DGKG: variants seen among roughly 807,000 people sequenced by gnomAD.
DGKG encodes the protein DAG kinase gamma.
Under a neutral mutation model 105.3 loss-of-function variants are expected in DGKG, and 78 were observed. The ratio of observed to expected loss-of-function variants is 0.74; its 90% CI spans 0.62 to 0.89. DGKG has a LOEUF of 0.89. Among genes scored for constraint, DGKG ranks in the 40% least tolerant of loss-of-function variants. The probability of loss-of-function intolerance (pLI) is 0.00; values close to 1 mark genes in which losing one functional copy is unlikely to be tolerated. For synonymous variants in DGKG, 346 were observed against 367.1 expected, an observed-to-expected ratio of 0.94 and a Z score of 0.66; for missense variants, 958 against 1,020.1, an observed-to-expected ratio of 0.94 and a Z score of 0.83.
At chr3:186,278,751 T>C (rs1722699544) in intron 9 of DGKG, among the ~76,000 whole-genome samples, 1 of 152,204 alleles carries the variant, frequency 6.6e-6, no homozygotes, top group South Asian at 2.1e-4. Context: ...GAAGATATTA[T>C]AGGCAACTTG....
intron 22 of DGKG, among the ~76,000 whole-genome samples, chr3:186,181,345 C>G (rs1377264700): frequency 2.0e-5 from 3 of 152,152 alleles, no homozygotes; most frequent in Non-Finnish European, 1.5e-5. Flanking sequence ...GTGAACACTA[C>G]CGAGGGTATC....
At chr3:186,337,276 G>T (rs1385362185) in intron 1 of DGKG, among the ~76,000 whole-genome samples, 1 of 152,064 alleles carries the variant, frequency 6.6e-6, no homozygotes, top group Admixed American at 6.6e-5. Context: ...GTTTATTTCA[G>T]TAAGGCAAGA....
chr3:186,313,928 T>C (rs1724680875), intron 2 of DGKG, among the ~76,000 whole-genome samples: 1 of 152,116 alleles, frequency 6.6e-6, no homozygotes, highest in East Asian at 1.9e-4. Context: ...CTGGCCAGCA[T>C]AAATAGCAAG....
chr3:186,234,596 T>C (rs934808255), intron 20 of DGKG, among the ~76,000 whole-genome samples: 3 of 152,216 alleles, frequency 2.0e-5, no homozygotes, highest in Non-Finnish European at 4.4e-5. Flanking sequence ...TTCTACTCTT[T>C]GTTGACATGA....
At chr3:186,238,511 T>C (rs1720526107) in intron 20 of DGKG, among the ~76,000 whole-genome samples, 1 of 152,168 alleles carries the variant, frequency 6.6e-6, no homozygotes, top group East Asian at 1.9e-4. Context: ...TAGACGACGA[T>C]TTCCTTGAAG....
At chr3:186,318,760 G>T (rs369307108) in intron 2 of DGKG, among the ~76,000 whole-genome samples, 1 of 152,184 alleles carries the variant, frequency 6.6e-6, no homozygotes, top group African/African-American at 2.4e-5. Context: ...AGCCAGCGCC[G>T]CTGACTCCTT....
intron 21 of DGKG, among the ~76,000 whole-genome samples, chr3:186,200,561 T>A (rs565838936): frequency 2.1e-4 from 32 of 152,132 alleles, no homozygotes; most frequent in Non-Finnish European, 4.0e-4. Context: ...GAGTGGTAAG[T>A]GGAACTAAAT....
At chr3:186,288,060 C>T (rs575242904) in intron 6 of DGKG, among the ~76,000 whole-genome samples, 2 of 152,284 alleles carry the variant, frequency 1.3e-5, no homozygotes, top group East Asian at 3.9e-4. Context: ...CAGGCTGTTT[C>T]AGCCACTGTG....
intron 8 of DGKG, 59 bp from the exon 9 acceptor site, chr3:186,280,032 T>G (rs1011486958): frequency 6.2e-7 from 1 of 1,600,778 alleles, no homozygotes; most frequent in African/African-American, 1.3e-5. Context: ...CTACCTGCCT[T>G]CTGCCTCTGC....
intron 13 of DGKG, among the ~76,000 whole-genome samples, chr3:186,266,730 T>C (rs1722072616): frequency 6.6e-6 from 1 of 152,156 alleles, no homozygotes; most frequent in Non-Finnish European, 1.5e-5. Context: ...CCCCAGTAGC[T>C]GGGATTACAG....
At chr3:186,246,729 T>C (rs189498575) in intron 19 of DGKG, among the ~76,000 whole-genome samples, 21 of 152,276 alleles carry the variant, frequency 1.4e-4, no homozygotes, top group Admixed American at 2.6e-4. Context: ...AAAAATTATG[T>C]CTTGTTGAGA....
At position 186,211,763 on chromosome 3, in the gene DGKG, C is replaced by T. The variant is rs772054884; in HGVS notation, c.1917+32G>A. On this transcript the variant is annotated intron_variant, in intron 21 of 24. Coordinates refer to ENST00000265022, the MANE Select transcript of DGKG (RefSeq NM_001346.3). Reference sequence around the variant, plus strand: ...GACAGTCCAGGAGCAGAACCAAGATCCAGGAAGCCTTCTCCCCACTTGGGA... The same window carrying T: ...GACAGTCCAGGAGCAGAACCAAGATTCAGGAAGCCTTCTCCCCACTTGGGA... 2.0e-6 allele frequency: 3 copies of T among 1,535,542 alleles called. No homozygotes were observed. The South Asian group carries it at 3.4e-5, about 17-fold the overall frequency.
chr3:186,301,940 C>G (rs1426802521), intron 3 of DGKG, among the ~76,000 whole-genome samples: 1 of 152,206 alleles, frequency 6.6e-6, no homozygotes, highest in African/African-American at 2.4e-5. Flanking sequence ...TGTATGCACT[C>G]TGTCCATGCT....
At position 186,148,490 on chromosome 3, in the gene DGKG, T is replaced by C; in HGVS notation, c.*1600A>G. The C allele has an allele frequency of 1.0e-6, 1 of 985,448 alleles. No individual in the cohort carries two copies. The highest frequency in any genetic ancestry group is 4.7e-5 in the South Asian group (1 of 21,288). 61.0% of individuals were successfully genotyped at this position (985,448 alleles called of 1,614,324 possible). ...CGTTTTCTTGTGTGGGGATATCCCA[T>C]CCACGCATGTGCTGTACGTTTGTTC... On this transcript the variant is annotated 3_prime_UTR_variant, in exon 25 of 25. Coordinates refer to ENST00000265022, the MANE Select transcript of DGKG (RefSeq NM_001346.3).
intron 5 of DGKG, among the ~76,000 whole-genome samples, chr3:186,295,298 C>G (rs1185863741): frequency 6.6e-6 from 1 of 151,940 alleles, no homozygotes; most frequent in South Asian, 2.1e-4. Flanking sequence ...GTCAGGAGAT[C>G]GAGATCATCC....
chr3:186,199,674 G>C (rs888365565), intron 21 of DGKG, among the ~76,000 whole-genome samples: 1 of 151,942 alleles, frequency 6.6e-6, no homozygotes, highest in Non-Finnish European at 1.5e-5. Flanking sequence ...CACCACATCC[G>C]GCTAATTTTT....
intron 19 of DGKG, among the ~76,000 whole-genome samples, chr3:186,244,516 C>T (rs558792973): frequency 7.9e-5 from 12 of 151,420 alleles, no homozygotes; most frequent in Non-Finnish European, 1.3e-4. Flanking sequence ...GAGATTCTTC[C>T]GCTTCAGCCT....
chr3:186,152,666 A>C (rs1186812169), intron 24 of DGKG, among the ~76,000 whole-genome samples: 3 of 151,694 alleles, frequency 2.0e-5, no homozygotes, highest in African/African-American at 7.3e-5. Flanking sequence ...CCCCTCCCCC[A>C]CATTTTTTTA....
chr3:186,223,360 T>G (rs1372700715), intron 20 of DGKG, among the ~76,000 whole-genome samples: 1 of 151,998 alleles, frequency 6.6e-6, no homozygotes, highest in Non-Finnish European at 1.5e-5. Flanking sequence ...ATCCTGTGTC[T>G]TCCTTTTGCA....
Sources: allele counts gnomAD v4.1 joint callset (sites outside exome capture counted in the v4.1 genomes callset), GRCh38; gene constraint gnomAD v4.1.1; transcripts MANE v1.5; gene names NCBI Gene and HGNC (gene_info 2026-07-23, HGNC 2026-07-21).